ATP9A: variants seen among roughly 807,000 people sequenced by gnomAD.
ATP9A encodes the protein probable phospholipid-transporting ATPase IIA.
Under a neutral mutation model 144.1 loss-of-function variants are expected in ATP9A, and 52 were observed. That is an observed-to-expected ratio of 0.36 (90% CI 0.29 to 0.45). The LOEUF (loss-of-function observed/expected upper bound fraction) is 0.45, where lower values mean the gene tolerates loss of function less well. Ranked by LOEUF, ATP9A falls within the 20% of genes least tolerant of loss-of-function variation. The probability of loss-of-function intolerance (pLI) is 1.00; values close to 1 mark genes in which losing one functional copy is unlikely to be tolerated. For missense variants in ATP9A, 947 were observed against 1,392.7 expected (o/e 0.68, Z 5.09); for synonymous variants, 582 against 557.4 (o/e 1.04, Z -0.62).
chr20:51,727,574 TC>T (rs2077720582), intron 2 of ATP9A, among the ~76,000 whole-genome samples: 1 of 150,784 alleles, frequency 6.6e-6, no homozygotes, highest in African/African-American at 2.4e-5. Context: ...TGACAATGAG[TC>T]CCCCACCTCA....
At position 51,712,888 on chromosome 20, in the gene ATP9A, C is replaced by T; in HGVS notation, c.436+78G>A. On this transcript the variant is annotated intron_variant, in intron 4 of 27. Transcript: ENST00000338821. The stretch of plus-strand genomic sequence containing the variant: ...GGCATTCCCACACCTGCGGCCCGGG[C>T]CTTGAACTCTTCTCCCCTGACTGTC... The T allele has an allele frequency of 3.0e-6, 4 of 1,315,360 alleles. No homozygotes were observed. The South Asian group carries it at 3.8e-5, about 12-fold the overall frequency. 81.5% of individuals were successfully genotyped at this position (1,315,360 alleles called of 1,614,324 possible). A position where few individuals can be genotyped will look rare whatever the true frequency, so the allele number is the denominator to read the frequency against.
chr20:51,676,507 T>C (rs1257074201), intron 9 of ATP9A, among the ~76,000 whole-genome samples: 1 of 152,082 alleles, frequency 6.6e-6, no homozygotes, highest in African/African-American at 2.4e-5. Context: ...AGGCGGAGTT[T>C]TACTCTTGTT....
At chr20:51,718,882 C>CACTTT (rs1340960653) in intron 3 of ATP9A, among the ~76,000 whole-genome samples, 2 of 142,884 alleles carry the variant, frequency 1.4e-5, no homozygotes, top group African/African-American at 5.3e-5. Context: ...GTAATCCCAG[C>CACTTT]ACTTTGGGAG....
At chr20:51,668,958 A>C (rs1220350987) in intron 13 of ATP9A, among the ~76,000 whole-genome samples, 1 of 152,198 alleles carries the variant, frequency 6.6e-6, no homozygotes, top group Non-Finnish European at 1.5e-5. Flanking sequence ...TAACCTGTAT[A>C]CAGAGATAAT....
chr20:51,760,955 G>A (rs1398734914), intron 1 of ATP9A, among the ~76,000 whole-genome samples: 1 of 152,064 alleles, frequency 6.6e-6, no homozygotes, highest in African/African-American at 2.4e-5. Flanking sequence ...TTAAACCCAG[G>A]AGGCAGAGGT....
intron 8 of ATP9A, 38 bp downstream of exon 8, chr20:51,690,701 C>A (rs1050827100): frequency 6.5e-7 from 1 of 1,534,164 alleles, no homozygotes; most frequent in Middle Eastern, 1.7e-4. Context: ...CTTACACACT[C>A]CCGGTGACAG....
chr20:51,741,041 A>C (rs1325068674), intron 1 of ATP9A, among the ~76,000 whole-genome samples: 2 of 151,764 alleles, frequency 1.3e-5, no homozygotes, highest in Non-Finnish European at 2.9e-5. Flanking sequence ...TAATTTAATT[A>C]ATTAAAAATA....
At chr20:51,760,725 C>CAAA (rs397864467) in intron 1 of ATP9A, among the ~76,000 whole-genome samples, 29 of 105,436 alleles carry the variant, frequency 2.8e-4, no homozygotes, top group South Asian at 1.1e-3. Flanking sequence ...GACTCCGTCT[C>CAAA]AAAAAAAAAA....
chr20:51,665,945 C>A (rs1369227110), intron 13 of ATP9A, among the ~76,000 whole-genome samples: 2 of 152,114 alleles, frequency 1.3e-5, no homozygotes, highest in African/African-American at 4.8e-5. Context: ...GAACAAGTCA[C>A]CTGGACACTC....
chr20:51,675,561 G>A (rs758648578), intron 10 of ATP9A, among the ~76,000 whole-genome samples: 8 of 152,152 alleles, frequency 5.3e-5, no homozygotes, highest in African/African-American at 1.2e-4. Context: ...CGTGCAAACC[G>A]TACGTGCTCC....
At position 51,627,582 on chromosome 20, in the gene ATP9A, G is replaced by T. The variant is rs758091467; in HGVS notation, c.1845+18C>A. 4 of 1,611,518 alleles carry T rather than the reference G, an allele frequency of 2.5e-6. No homozygotes were observed. The South Asian group carries it at 4.4e-5, about 18-fold the overall frequency. ...GGTGGGGCTGCAAAGGCAATGGAAA[G>T]GTCCCAGAACAACTTACTTCAAAGT... On this transcript the variant is annotated intron_variant, in intron 17 of 27. Coordinates refer to ENST00000338821, the MANE Select transcript of ATP9A (RefSeq NM_006045.3).
intron 13 of ATP9A, among the ~76,000 whole-genome samples, chr20:51,666,443 A>C (rs2077433162): frequency 1.3e-5 from 2 of 152,134 alleles, no homozygotes; most frequent in Admixed American, 6.6e-5. Context: ...CACTTTGGGA[A>C]GCCAAGGCGG....
At chr20:51,702,622 G>C (rs1055600286) in intron 4 of ATP9A, among the ~76,000 whole-genome samples, 8 of 151,866 alleles carry the variant, frequency 5.3e-5, no homozygotes, top group Non-Finnish European at 1.2e-4. Context: ...AGAAAAGAGA[G>C]ACCAAAGTTA....
intron 9 of ATP9A, among the ~76,000 whole-genome samples, chr20:51,684,600 G>A (rs963741511): frequency 3.3e-5 from 5 of 151,668 alleles, no homozygotes; most frequent in Admixed American, 6.6e-5. Context: ...GGAGGCTGAG[G>A]CAGGAGAATG....
In ATP9A at chr20:51,627,488, T is replaced by G; in HGVS notation, c.1845+112A>C. 5 of 957,318 alleles carry G rather than the reference T, an allele frequency of 5.2e-6. No homozygotes were observed. In the South Asian group the frequency reaches 7.3e-5, roughly 14 times the overall value. The allele number at this position is 957,318 out of a possible 1,614,324, so 59.3% of individuals were successfully genotyped here. On this transcript the variant is annotated intron_variant, in intron 17 of 27. Transcript: ENST00000338821. ...AGGCCTTCAACAACAGTGAACCCAGTGTGCCCAGAAATGACATCAGAATGG... is the reference window on the plus strand; with the variant it reads ...AGGCCTTCAACAACAGTGAACCCAGGGTGCCCAGAAATGACATCAGAATGG...
chr20:51,766,319 T>C (rs1460724026), intron 1 of ATP9A, among the ~76,000 whole-genome samples: 1 of 152,116 alleles, frequency 6.6e-6, no homozygotes, highest in African/African-American at 2.4e-5. Context: ...ACAGCCAGGG[T>C]CAGGACACCC....
At chr20:51,724,310 A>C (rs938104559) in intron 3 of ATP9A, among the ~76,000 whole-genome samples, 1 of 152,216 alleles carries the variant, frequency 6.6e-6, no homozygotes, top group Non-Finnish European at 1.5e-5. Flanking sequence ...AAAAAAGGGT[A>C]TCTATTCTGC....
In ATP9A at chr20:51,671,155, C is replaced by T; in HGVS notation, c.1140G>A (p.Glu380=). ...GTVVRSSTIP[E]QLGRISYLLT... Reference sequence around the variant, plus strand: ...GTAAGTACGAAATCCTGCCCAGCTGCTCAGGAATCGTGCTGGAGCGAACCA... The same window carrying T: ...GTAAGTACGAAATCCTGCCCAGCTGTTCAGGAATCGTGCTGGAGCGAACCA... The change falls in exon 12 of 28, where the codon GAG becomes GAA. Residue 380 remains glutamate (E), a synonymous_variant. Transcript: ENST00000338821. The T allele has an allele frequency of 1.9e-6, 3 of 1,614,158 alleles. No individual in the cohort carries two copies. The highest frequency in any genetic ancestry group is 2.5e-6 in the Non-Finnish European group (3 of 1,180,012).
intron 9 of ATP9A, among the ~76,000 whole-genome samples, chr20:51,688,056 G>A (rs2077531255): frequency 1.3e-5 from 2 of 152,194 alleles, no homozygotes; most frequent in Admixed American, 6.5e-5. Flanking sequence ...CACCTGCTGT[G>A]TGACCTCAGA....
Sources: allele counts gnomAD v4.1 joint callset (sites outside exome capture counted in the v4.1 genomes callset), GRCh38; gene constraint gnomAD v4.1.1; transcripts MANE v1.5; gene names NCBI Gene and HGNC (gene_info 2026-07-23, HGNC 2026-07-21).